KCTD5: variants seen among roughly 807,000 people sequenced by gnomAD.
The protein encoded by KCTD5 is BTB/POZ domain-containing protein KCTD5.
Under a neutral mutation model 27.9 loss-of-function variants are expected in KCTD5, and 12 were observed. The ratio of observed to expected loss-of-function variants is 0.43; its 90% CI spans 0.28 to 0.70. The LOEUF is 0.70. Among genes scored for constraint, KCTD5 ranks in the 30% least tolerant of loss-of-function variants. KCTD5 has a pLI of 0.19. For synonymous variants in KCTD5, 147 were observed against 121.4 expected, an observed-to-expected ratio of 1.21 and a Z score of -1.39; for missense variants, 226 against 274.8, an observed-to-expected ratio of 0.82 and a Z score of 1.26.
At chr16:2,698,943 G>T (rs181183328) in intron 3 of KCTD5, among the ~76,000 whole-genome samples, 1 of 152,244 alleles carries the variant, frequency 6.6e-6, no homozygotes, top group Non-Finnish European at 1.5e-5. Flanking sequence ...TATGACGCAG[G>T]TGGGCAGGAA....
intron 5 of KCTD5, among the ~76,000 whole-genome samples, chr16:2,705,933 C>T (rs940995567): frequency 6.6e-6 from 1 of 152,174 alleles, no homozygotes; most frequent in Non-Finnish European, 1.5e-5. Context: ...GCTCAGATGC[C>T]ACACTGCTCC....
chr16:2,687,501 G>T (rs560874084), intron 1 of KCTD5, among the ~76,000 whole-genome samples: 8 of 152,222 alleles, frequency 5.3e-5, no homozygotes, highest in Non-Finnish European at 1.2e-4. Context: ...CAGAAAGCTG[G>T]TCCACCTGCC....
chr16:2,697,135 C>G (rs1024357211), intron 2 of KCTD5: 2 of 152,394 alleles, frequency 1.3e-5, no homozygotes, highest in Non-Finnish European at 2.9e-5. Flanking sequence ...CTGAGGCCCT[C>G]GTCTCCTTGT....
chr16:2,699,185 T>C (rs1330083695), intron 3 of KCTD5: 1 of 456,062 alleles, frequency 2.2e-6, no homozygotes, highest in East Asian at 6.9e-5. Flanking sequence ...TCCTCCGTAG[T>C]GACTGTCCAG....
At chr16:2,700,008 C>A in intron 4 of KCTD5, 92 bp downstream of exon 4, 1 of 1,210,810 alleles carries the variant, frequency 8.3e-7, no homozygotes, top group South Asian at 1.2e-5. Flanking sequence ...GAAATGCAGA[C>A]TTTGCTGCTG....
rs772719335 is a variant in KCTD5, at chr16:2,682,649, C to T, written c.101C>T (p.Ala34Val). 1 of 1,593,990 alleles carries T rather than the reference C, an allele frequency of 6.3e-7. No individual in the cohort carries two copies. The highest frequency in any genetic ancestry group is 8.5e-7 in the Non-Finnish European group (1 of 1,172,382). Reference protein sequence around the residue: ...LCRRCSAGLGALAQRPGSVSK... With the variant: ...LCRRCSAGLGVLAQRPGSVSK... ...CGCCGCTGCAGCGCTGGGCTCGGCGCCCTGGCCCAGCGCCCTGGCAGCGTG... is the reference window on the plus strand; with the variant it reads ...CGCCGCTGCAGCGCTGGGCTCGGCGTCCTGGCCCAGCGCCCTGGCAGCGTG... The change falls in exon 1 of 6, where the codon GCC becomes GTC. Residue 34 changes from alanine (A) to valine (V), a missense_variant. Ala to Val is a moderately conservative substitution (Grantham distance 64). Transcript: ENST00000301738.
intron 1 of KCTD5, among the ~76,000 whole-genome samples, chr16:2,693,909 C>T (rs2067578024): frequency 6.7e-6 from 1 of 148,228 alleles, no homozygotes; most frequent in South Asian, 2.3e-4. Context: ...TGAGGCCAGG[C>T]CTGGAGGCCT....
chr16:2,704,012 C>T (rs1343712941), intron 5 of KCTD5, among the ~76,000 whole-genome samples: 1 of 152,202 alleles, frequency 6.6e-6, no homozygotes, highest in Admixed American at 6.5e-5. Context: ...TTTTTATAAC[C>T]AAGCTCCCCT....
chr16:2,696,702 A>G (rs2067587658), intron 2 of KCTD5, among the ~76,000 whole-genome samples: 1 of 152,106 alleles, frequency 6.6e-6, no homozygotes, highest in African/African-American at 2.4e-5. Flanking sequence ...ATCGGTCTGC[A>G]CTGGGCAGCG....
At chr16:2,702,578 G>C in intron 5 of KCTD5, 100 bp downstream of exon 5, 6 of 1,467,766 alleles carry the variant, frequency 4.1e-6, no homozygotes, top group South Asian at 1.3e-5. Flanking sequence ...TCAAGCTCCC[G>C]GTGTCCGCCC....
chr16:2,701,027 G>T (rs949259505), intron 4 of KCTD5, among the ~76,000 whole-genome samples: 9 of 152,190 alleles, frequency 5.9e-5, no homozygotes, highest in Admixed American at 5.2e-4. Flanking sequence ...CCTTGGTGGG[G>T]CTGGGGCCCT....
intron 1 of KCTD5, among the ~76,000 whole-genome samples, chr16:2,687,822 G>A (rs2067547039): frequency 6.6e-6 from 1 of 152,148 alleles, no homozygotes; most frequent in South Asian, 2.1e-4. Flanking sequence ...TGGCGCCATG[G>A]GAGGGGTCCT....
rs75461256 is a variant in KCTD5, at chr16:2,702,624, C to T, written c.675+146C>T. ...TGCTGACTTCTTGGACACACGGTCTCCCGTGGGACAGGTTCTCTCGACACA... is the reference window on the plus strand; with the variant it reads ...TGCTGACTTCTTGGACACACGGTCTTCCGTGGGACAGGTTCTCTCGACACA... On this transcript the variant is annotated intron_variant, in intron 5 of 5. Coordinates refer to ENST00000301738, the MANE Select transcript of KCTD5 (RefSeq NM_018992.4). The T allele has an allele frequency of 1.9e-3, 2,178 of 1,127,840 alleles. 29 individuals carry two copies. In the African/African-American group the frequency reaches 0.031, roughly 16 times the overall value. 69.9% of individuals were successfully genotyped at this position (1,127,840 alleles called of 1,614,324 possible). A position where few individuals can be genotyped will look rare whatever the true frequency, so the allele number is the denominator to read the frequency against.
intron 5 of KCTD5, among the ~76,000 whole-genome samples, chr16:2,705,109 C>T (rs1025451256): frequency 6.6e-6 from 1 of 152,236 alleles, no homozygotes; most frequent in African/African-American, 2.4e-5. Context: ...CTGTCTTCTC[C>T]CCCACTGCGC....
At chr16:2,691,020 C>T (rs1251341815) in intron 1 of KCTD5, among the ~76,000 whole-genome samples, 2 of 152,210 alleles carry the variant, frequency 1.3e-5, no homozygotes, top group African/African-American at 4.8e-5. Flanking sequence ...GCTGGCACCA[C>T]GAGTAGCCCC....
chr16:2,691,090 C>T (rs894261902), intron 1 of KCTD5, among the ~76,000 whole-genome samples: 2 of 152,246 alleles, frequency 1.3e-5, no homozygotes, highest in African/African-American at 2.4e-5. Flanking sequence ...CACCAAGACC[C>T]TGCCTACATG....
At chr16:2,702,698 C>T (rs1017002360) in intron 5 of KCTD5, among the ~76,000 whole-genome samples, 1 of 152,178 alleles carries the variant, frequency 6.6e-6, no homozygotes, top group African/African-American at 2.4e-5. Flanking sequence ...CAGAGCTGCT[C>T]CTGGAAGGGG....
chr16:2,691,856 G>A (rs902657368), intron 1 of KCTD5, among the ~76,000 whole-genome samples: 5 of 152,228 alleles, frequency 3.3e-5, no homozygotes, highest in Non-Finnish European at 5.9e-5. Context: ...CGGTGCCTCA[G>A]CCTCCCCTGC....
intron 5 of KCTD5, among the ~76,000 whole-genome samples, chr16:2,704,970 G>T (rs564844370): frequency 7.2e-4 from 109 of 152,314 alleles, no homozygotes; most frequent in African/African-American, 2.4e-3. Context: ...ACACGTGGAG[G>T]TTTCCACCTC....
Sources: allele counts gnomAD v4.1 joint callset (sites outside exome capture counted in the v4.1 genomes callset), GRCh38; gene constraint gnomAD v4.1.1; transcripts MANE v1.5; gene names NCBI Gene and HGNC (gene_info 2026-07-23, HGNC 2026-07-21).